Variants in WAPL observed in about 807,000 individuals in gnomAD.
The protein encoded by WAPL is WAPL cohesin release factor.
A neutral mutation model predicts 121.0 loss-of-function variants in WAPL; 5 were observed. The ratio of observed to expected loss-of-function variants is 0.04; its 90% confidence interval spans 0.02 to 0.09. The LOEUF (loss-of-function observed/expected upper bound fraction) is 0.09. Ranked by LOEUF, WAPL falls within the 10% of genes least tolerant of loss-of-function variation. The probability of loss-of-function intolerance (pLI) is 1.00; values close to 1 mark genes in which losing one functional copy is unlikely to be tolerated. For missense variants in WAPL, 999 were observed against 1,410.8 expected, an observed-to-expected ratio of 0.71 and a Z score of 4.68; for synonymous variants, 480 against 481.5, an observed-to-expected ratio of 1.00 and a Z score of 0.04.
Position 86,499,989 on chromosome 10 carries a change from A to G in WAPL, c.1254T>C (p.Thr418=). The part of the protein sequence containing the change: ...KTTTRFRPSN[T]KSKKDVKLEF... ...CAAGTTTAACATCCTTTTTGGATTTAGTATTACTAGGTCGAAATCTAGTAG... is the reference window on the plus strand; with the variant it reads ...CAAGTTTAACATCCTTTTTGGATTTGGTATTACTAGGTCGAAATCTAGTAG... The change falls in exon 3 of 19, where the codon ACT becomes ACC. Residue 418 remains threonine (T), a synonymous_variant. Transcript: ENST00000298767. 2 of 1,614,146 alleles carry G rather than the reference A, an allele frequency of 1.2e-6. No individual in the cohort carries two copies. Among genetic ancestry groups the G allele is most frequent in the Admixed American group, 1.7e-5 (1 of 60,002 alleles).
intron 7 of WAPL, among the ~76,000 whole-genome samples, chr10:86,471,600 A>T (rs1419483865): frequency 6.6e-6 from 1 of 151,238 alleles, no homozygotes; most frequent in Admixed American, 6.6e-5. Flanking sequence ...ATCAGAGGTA[A>T]AAAGAACTTA....
chr10:86,491,419 G>A lies in WAPL; in HGVS notation c.1644+5782C>T, dbSNP rs559016902. Among the ~76,000 whole-genome samples the A allele has an allele frequency of 5.3e-5, 8 of 152,080 alleles. No individual in the cohort carries two copies. In the East Asian group the frequency reaches 5.8e-4, roughly 11 times the overall value. ...CTCCCAAAGTGCTAGGATTACAGGC[G>A]TGAGCCACCACGCCCGGCATGGTTC... On this transcript the variant is annotated intron_variant, in intron 4 of 18. Transcript: ENST00000298767.
At chr10:86,463,296 T>G (rs967032642) in intron 9 of WAPL, among the ~76,000 whole-genome samples, 2 of 152,230 alleles carry the variant, frequency 1.3e-5, no homozygotes, top group East Asian at 3.9e-4. Flanking sequence ...TTCAAGGCAG[T>G]GGGGGGGACC....
In WAPL at chr10:86,436,832, C is replaced by T. The variant is rs947810231; in HGVS notation, c.*711G>A. On this transcript the variant is annotated 3_prime_UTR_variant, in exon 19 of 19. Coordinates refer to ENST00000298767, the MANE Select transcript of WAPL (RefSeq NM_015045.5). ...TCTCAAACTGTTGTTTTTCTTGTGC[C>T]TATAGCTATGACACATTATGGTATG... 4 of 152,506 alleles carry T rather than the reference C, an allele frequency of 2.6e-5. No individual in the cohort carries two copies. Among genetic ancestry groups the T allele is most frequent in the Non-Finnish European group, 4.4e-5 (3 of 68,014 alleles). 9.4% of individuals were successfully genotyped at this position (152,506 alleles called of 1,614,324 possible).
In WAPL at chr10:86,453,345, G is replaced by A. The variant is rs1301844308; in HGVS notation, c.2834-10C>T. 1.9e-6 allele frequency: 3 copies of A among 1,613,240 alleles called. No individual in the cohort carries two copies. Among genetic ancestry groups the A allele is most frequent in the Non-Finnish European group, 2.5e-6 (3 of 1,179,412 alleles). The stretch of plus-strand genomic sequence containing the variant: ...TTGGTGCTGCCCCACTCTGAAATAA[G>A]AAATGGATACAGGAAAATGGTTACT... On this transcript the variant is annotated splice_polypyrimidine_tract_variant and intron_variant, in intron 13 of 18. Coordinates refer to ENST00000298767, the MANE Select transcript of WAPL (RefSeq NM_015045.5).
At chr10:86,518,788 T>C (rs971010888) in intron 1 of WAPL, among the ~76,000 whole-genome samples, 8 of 152,212 alleles carry the variant, frequency 5.3e-5, no homozygotes, top group African/African-American at 1.9e-4. Flanking sequence ...CTAATTCACA[T>C]GAGAAAAAAG....
At chr10:86,510,732 A>G (rs1363112111) in intron 2 of WAPL, among the ~76,000 whole-genome samples, 1 of 152,266 alleles carries the variant, frequency 6.6e-6, no homozygotes, top group Non-Finnish European at 1.5e-5. Flanking sequence ...ATAATGTTGA[A>G]TTTCCATTTA....
intron 2 of WAPL, among the ~76,000 whole-genome samples, chr10:86,508,068 C>A (rs1842386861): frequency 1.3e-5 from 2 of 152,178 alleles, no homozygotes; most frequent in Admixed American, 6.5e-5. Context: ...AAAACATACA[C>A]ACTAGGTAGA....
At position 86,436,174 on chromosome 10, in the gene WAPL, G is replaced by A. The variant is rs899341713; in HGVS notation, c.*1369C>T. On this transcript the variant is annotated 3_prime_UTR_variant, in exon 19 of 19. Coordinates refer to ENST00000298767, the MANE Select transcript of WAPL (RefSeq NM_015045.5). ...CAGCTGGCACTGATACAAGAGCCCCGATTTGTCACTTTATACAAGGAAATA... is the reference window on the plus strand; with the variant it reads ...CAGCTGGCACTGATACAAGAGCCCCAATTTGTCACTTTATACAAGGAAATA... The A allele has an allele frequency of 6.6e-6, 1 of 152,574 alleles. No homozygotes were observed. The highest frequency in any genetic ancestry group is 6.6e-5 in the Admixed American group (1 of 15,262). The allele number at this position is 152,574 out of a possible 1,614,324, so 9.5% of individuals were successfully genotyped here.
In WAPL at chr10:86,517,581, T is replaced by C; in HGVS notation, c.489A>G (p.Leu163=). Residue 163 remains leucine, a synonymous_variant, in exon 2 of 19, where the codon TTA becomes TTG. Transcript: ENST00000298767. ...AAAATCAAAACTTACCTGAAGTTAT[T>C]AATTTATTACAGCTACTTATGCTTG... ...DDASISSCNK[L]ITSDKVENFH... The C allele has an allele frequency of 6.2e-7, 1 of 1,603,352 alleles. No homozygotes were observed. Among genetic ancestry groups the C allele is most frequent in the Non-Finnish European group, 8.5e-7 (1 of 1,173,714 alleles).
At chr10:86,520,951 A>ATGGACGCGCCC (rs1340668681) in intron 1 of WAPL, among the ~76,000 whole-genome samples, 1 of 152,026 alleles carries the variant, frequency 6.6e-6, no homozygotes, top group Non-Finnish European at 1.5e-5. Flanking sequence ...AGTGGGCGCG[A>ATGGACGCGCCC]TGGACCCCTC....
At chr10:86,443,043 A>AG (rs942010011) in intron 17 of WAPL, among the ~76,000 whole-genome samples, 3 of 4,856 alleles carry the variant, frequency 6.2e-4, no homozygotes, top group Non-Finnish European at 3.9e-3. Context: ...ACTCCGCCTC[A>AG]AAAAAAAAAA....
intron 2 of WAPL, among the ~76,000 whole-genome samples, chr10:86,507,647 A>T (rs1380815806): frequency 6.6e-6 from 1 of 151,894 alleles, no homozygotes; most frequent in Non-Finnish European, 1.5e-5. Flanking sequence ...ACCAGTTCTC[A>T]GTTGCATCCA....
intron 4 of WAPL, among the ~76,000 whole-genome samples, chr10:86,487,354 C>T (rs1281460882): frequency 1.3e-5 from 2 of 152,106 alleles, no homozygotes; most frequent in Middle Eastern, 3.2e-3. Context: ...ATGATCAAAA[C>T]CTTACCTAGA....
intron 1 of WAPL, among the ~76,000 whole-genome samples, chr10:86,520,546 T>A (rs1842655284): frequency 6.6e-6 from 1 of 152,122 alleles, no homozygotes; most frequent in South Asian, 2.1e-4. Context: ...TGCAATGGCA[T>A]TATCTAAGCG....
intron 4 of WAPL, among the ~76,000 whole-genome samples, chr10:86,475,826 A>G (rs960070258): frequency 1.9e-4 from 29 of 152,352 alleles, no homozygotes; most frequent in African/African-American, 6.7e-4. Context: ...AGGCTCTGGT[A>G]ACAACAGCCT....
intron 2 of WAPL, among the ~76,000 whole-genome samples, chr10:86,515,313 C>T (rs1347961987): frequency 6.6e-6 from 1 of 150,928 alleles, no homozygotes. Context: ...CAAACACAAG[C>T]AGAATAGCAT....
At position 86,500,008 on chromosome 10, in the gene WAPL, C is replaced by T; in HGVS notation, c.1235G>A (p.Arg412Lys). 1 of 1,614,108 alleles carries T rather than the reference C, an allele frequency of 6.2e-7. No individual in the cohort carries two copies. Among genetic ancestry groups the T allele is most frequent in the Non-Finnish European group, 8.5e-7 (1 of 1,180,014 alleles). The change falls in exon 3 of 19, where the codon AGA becomes AAA. Residue 412 changes from arginine (R) to lysine (K), a missense_variant. Physicochemically the swap from Arg to Lys is conservative, Grantham distance 26. Coordinates refer to ENST00000298767, the MANE Select transcript of WAPL (RefSeq NM_015045.5). ...ADIATSKTTT[R>K]FRPSNTKSKK... ...GGATTTAGTATTACTAGGTCGAAAT[C>T]TAGTAGTAGTCTTAGAAGTTGCAAT...
At chr10:86,451,797 A>G (rs1253959210) in intron 15 of WAPL, among the ~76,000 whole-genome samples, 170 bp downstream of exon 15, 1 of 152,016 alleles carries the variant, frequency 6.6e-6, no homozygotes, top group East Asian at 1.9e-4. Context: ...GTCCCTTTCT[A>G]CCCCAGCAGA....
Sources: gnomAD v4.1 joint callset for allele counts (sites outside exome capture counted in the v4.1 genomes callset) on GRCh38, gnomAD v4.1.1 for gene constraint, MANE v1.5 for transcripts, NCBI Gene and HGNC (gene_info 2026-07-23, HGNC 2026-07-21) for gene names.